Variants in KCTD1 observed in about 807,000 individuals in gnomAD.
KCTD1 encodes potassium channel tetramerization domain containing 1, also known as BTB/POZ domain-containing protein KCTD1.
Under a neutral mutation model 66.0 loss-of-function variants are expected in KCTD1, and 24 were observed. The observed-to-expected ratio is 0.36, with a 90% CI of 0.26 to 0.51. KCTD1 has a LOEUF of 0.51. Among genes scored for constraint, KCTD1 ranks in the 20% least tolerant of loss-of-function variants. The probability of loss-of-function intolerance (pLI) is 0.95; values close to 1 mark genes in which losing one functional copy is unlikely to be tolerated. For missense variants in KCTD1, 943 were observed against 1,205.2 expected (o/e 0.78, Z 3.22); for synonymous variants, 511 against 517.2 (o/e 0.99, Z 0.16).
intron 1 of KCTD1, among the ~76,000 whole-genome samples, chr18:26,505,465 G>A (rs910982044): frequency 3.3e-5 from 5 of 152,246 alleles, no homozygotes; most frequent in Admixed American, 1.3e-4. Context: ...TACAGACGAA[G>A]AACCCGGGAG....
At chr18:26,574,936 T>A (rs1211808238) in intron 1 of KCTD1, among the ~76,000 whole-genome samples, 1 of 151,704 alleles carries the variant, frequency 6.6e-6, no homozygotes, top group Non-Finnish European at 1.5e-5. Flanking sequence ...GAAAAAAAAA[T>A]AAACGTGTAA....
intron 1 of KCTD1, among the ~76,000 whole-genome samples, chr18:26,597,005 T>C (rs544923990): frequency 6.6e-6 from 1 of 152,024 alleles, no homozygotes; most frequent in East Asian, 1.9e-4. Flanking sequence ...AGTGGTCCTA[T>C]GGGCCTGCTC....
intron 1 of KCTD1, among the ~76,000 whole-genome samples, chr18:26,542,258 T>C (rs1985005620): frequency 6.6e-6 from 1 of 152,248 alleles, no homozygotes. Context: ...GGTCAATCCA[T>C]ATCCCCTTTT....
intron 2 of KCTD1, among the ~76,000 whole-genome samples, chr18:26,495,154 G>A (rs903548687): frequency 2.6e-5 from 4 of 151,828 alleles, no homozygotes; most frequent in Non-Finnish European, 4.4e-5. Flanking sequence ...CGGCTTGCAC[G>A]ATGAGGCTGC....
At chr18:26,562,006 T>A (rs568764726) in intron 1 of KCTD1, among the ~76,000 whole-genome samples, 1 of 152,188 alleles carries the variant, frequency 6.6e-6, no homozygotes, top group Non-Finnish European at 1.5e-5. Context: ...TTAGTCTCAC[T>A]ACATCCCTAT....
chr18:26,581,895 A>G lies in KCTD1; in HGVS notation c.-16+47252T>C, dbSNP rs373926425. Reference sequence around the variant, plus strand: ...ACCATCATAAGTAAACTTAGCCATGATAAACTTCAAGAAATCACCAAGGGC... The same window carrying G: ...ACCATCATAAGTAAACTTAGCCATGGTAAACTTCAAGAAATCACCAAGGGC... On this transcript the variant is annotated intron_variant, in intron 1 of 4. Coordinates refer to the KCTD1 transcript ENST00000317932. 1.2e-3 allele frequency among the ~76,000 whole-genome samples: 179 copies of G among 152,178 alleles called. 1 individual carries two copies. Among genetic ancestry groups the G allele is most frequent in the Non-Finnish European group, 2.2e-3 (153 of 68,030 alleles).
intron 1 of KCTD1, chr18:26,566,533 ATT>A (rs1985984353): frequency 6.6e-6 from 1 of 152,192 alleles, no homozygotes; most frequent in Non-Finnish European, 1.5e-5. Context: ...CAGCTCTAGA[ATT>A]GCTTCTGCCT....
chr18:26,498,685 C>T (rs8084417), intron 2 of KCTD1, among the ~76,000 whole-genome samples: 6,286 of 151,800 alleles, frequency 0.041, 209 homozygotes, highest in African/African-American at 0.094. Flanking sequence ...AATAGCTGTA[C>T]GTGGCTACTG....
chr18:26,507,675 T>C (rs1983112477), intron 1 of KCTD1, among the ~76,000 whole-genome samples: 1 of 152,144 alleles, frequency 6.6e-6, no homozygotes, highest in Non-Finnish European at 1.5e-5. Context: ...TCTAACAGTA[T>C]TTCTCCCTTC....
rs113722064 is a variant in KCTD1 at position 26,517,936 on chromosome 18, T to TG, written c.1810-16687dup. ...CTACAAGAGACAGACTCAGAGTGGG[T>TG]GGGGTGGGGTCCCCCCAAGTCCCCC... On this transcript the variant is annotated intron_variant, in intron 1 of 4. Coordinates refer to ENST00000580059, the MANE Select transcript of KCTD1 (RefSeq NM_001142730.3). Among the ~76,000 whole-genome samples the TG allele has an allele frequency of 4.0e-3, 608 of 152,326 alleles. 8 individuals carry two copies. The highest frequency in any genetic ancestry group is 0.013 in the African/African-American group (560 of 41,586).
At chr18:26,641,101 G>T (rs900081167), upstream of KCTD1, among the ~76,000 whole-genome samples, 1 of 152,172 alleles carries the variant, frequency 6.6e-6, no homozygotes, top group Non-Finnish European at 1.5e-5. Flanking sequence ...CACTGTCCCA[G>T]CCTGGCTTGC....
At chr18:26,527,492 A>AAAAAAG (rs1555639037) in intron 1 of KCTD1, among the ~76,000 whole-genome samples, 1 of 109,440 alleles carries the variant, frequency 9.1e-6, no homozygotes, top group African/African-American at 3.3e-5. Context: ...CAAAAAAAAA[A>AAAAAAG]GGGGGGGGGG....
upstream of KCTD1, among the ~76,000 whole-genome samples, chr18:26,552,751 T>G (rs577601093): frequency 4.4e-4 from 67 of 152,250 alleles, no homozygotes; most frequent in Non-Finnish European, 7.8e-4. Context: ...GTGTCTCTAT[T>G]AAGAGAGGTG....
Position 26,455,825 on chromosome 18 carries a change from C to A in KCTD1, c.2516G>T (p.Ser839Ile), listed in dbSNP as rs1178809827. The change falls in exon 5 of 5, where the codon AGC (serine) becomes ATC (isoleucine). Residue 839 changes from serine (S) to isoleucine (I), a missense_variant. Around this residue, in one of 10 missense-constraint regions of KCTD1, gnomAD observed 162 missense variants for 232.4 expected, o/e 0.70. Transcript: ENST00000580059. ...CGGGVDSSQF[S>I]EYVLRRELRR... Reference sequence around the variant, plus strand: ...CAGTTCCCGCCGAAGGACGTATTCGCTGAACTGGGACGAGTCTACTCCTCC... The same window carrying A: ...CAGTTCCCGCCGAAGGACGTATTCGATGAACTGGGACGAGTCTACTCCTCC... 1.1e-5 allele frequency: 18 copies of A among 1,614,078 alleles called. No homozygotes were observed. The Admixed American group carries it at 3.0e-4, about 27-fold the overall frequency.
At chr18:26,517,642 A>G (rs974935175) in intron 1 of KCTD1, among the ~76,000 whole-genome samples, 4 of 135,140 alleles carry the variant, frequency 3.0e-5, no homozygotes, top group African/African-American at 1.2e-4. Context: ...GGGCAACAAG[A>G]GCGAAACTCC....
intron 1 of KCTD1, among the ~76,000 whole-genome samples, chr18:26,526,975 A>G (rs1411677928): frequency 6.6e-6 from 1 of 151,774 alleles, no homozygotes; most frequent in African/African-American, 2.4e-5. Context: ...AGTGATGCGT[A>G]AACAGTGGAG....
rs768799909 is a variant in KCTD1 at position 26,455,784 on chromosome 18, C to T, written c.2557G>A (p.Val853Ile). ...TGCTTTATCCGGATGACGGAGGGTA[C>T]ACGGGGCGTCCGCCTCAGTTCCCGC... ...LRRELRRTPR[V>I]PSVIRIKQEP... Residue 853 changes from valine to isoleucine, a missense_variant, in exon 5 of 5, where the codon GTA becomes ATA. Coordinates refer to ENST00000580059, the MANE Select transcript of KCTD1 (RefSeq NM_001142730.3). The T allele has an allele frequency of 2.0e-4, 320 of 1,614,012 alleles. No homozygotes were observed. The highest frequency in any genetic ancestry group is 2.7e-4 in the Non-Finnish European group (316 of 1,180,046).
At chr18:26,608,291 T>C (rs1987061403) in intron 1 of KCTD1, among the ~76,000 whole-genome samples, 1 of 152,206 alleles carries the variant, frequency 6.6e-6, no homozygotes, top group South Asian at 2.1e-4. Context: ...AATTTTCTAT[T>C]TCCAAGTGAG....
At chr18:26,575,836 C>A (rs1567998472) in intron 1 of KCTD1, among the ~76,000 whole-genome samples, 1 of 152,150 alleles carries the variant, frequency 6.6e-6, no homozygotes, top group East Asian at 1.9e-4. Context: ...AAGCACTGAT[C>A]TTTTGATTAT....
Sources: allele counts gnomAD v4.1 joint callset (sites outside exome capture counted in the v4.1 genomes callset), GRCh38; gene constraint gnomAD v4.1.1; regional missense constraint gnomAD v4.1.1; transcripts MANE v1.5; gene names NCBI Gene and HGNC (gene_info 2026-07-23, HGNC 2026-07-21).